The following CREB5 variants were observed in gnomAD, a reference collection of about 807,000 sequenced individuals.
CREB5 encodes cyclic AMP-responsive element-binding protein 5.
CREB5 carries 19 observed loss-of-function variants against 57.1 expected under a neutral mutation model. The ratio of observed to expected loss-of-function variants is 0.33; its 90% CI spans 0.23 to 0.49. The LOEUF (loss-of-function observed/expected upper bound fraction) is 0.49. Ranked by LOEUF, CREB5 falls within the 20% of genes least tolerant of loss-of-function variation. CREB5 has a pLI of 0.99. For synonymous variants in CREB5, 238 were observed against 238.3 expected (o/e 1.00, Z 0.01); for missense variants, 579 against 671.6 (o/e 0.86, Z 1.52).
At chr7:28,385,637 A>C (rs1321491222) in intron 1 of CREB5, among the ~76,000 whole-genome samples, 5 of 151,898 alleles carry the variant, frequency 3.3e-5, no homozygotes, top group Non-Finnish European at 7.4e-5. Context: ...TGATCACACC[A>C]CTACACTCCA....
chr7:28,310,653 T>C (rs1490334380), intron 1 of CREB5, among the ~76,000 whole-genome samples: 1 of 152,246 alleles, frequency 6.6e-6, no homozygotes, highest in Non-Finnish European at 1.5e-5. Flanking sequence ...ATTTCAAACA[T>C]ATACGAAAGT....
intron 7 of CREB5, among the ~76,000 whole-genome samples, chr7:28,759,525 A>C (rs1402553291): frequency 6.6e-6 from 1 of 152,250 alleles, no homozygotes. Context: ...ATGCACAATT[A>C]GATTTTTACA....
At chr7:28,684,693 C>T (rs952211961) in intron 5 of CREB5, among the ~76,000 whole-genome samples, 79 of 152,030 alleles carry the variant, frequency 5.2e-4, no homozygotes, top group Non-Finnish European at 2.1e-4. Flanking sequence ...CCACAAAAGG[C>T]ATTAGGGGCA....
At chr7:28,566,812 C>T (rs1050204688) in intron 4 of CREB5, among the ~76,000 whole-genome samples, 6 of 152,142 alleles carry the variant, frequency 3.9e-5, no homozygotes, top group African/African-American at 1.4e-4. Flanking sequence ...GAAGAGATTA[C>T]AGGAGAGTTA....
intron 5 of CREB5, among the ~76,000 whole-genome samples, chr7:28,595,414 T>C (rs1476155059): frequency 6.6e-6 from 1 of 152,182 alleles, no homozygotes; most frequent in African/African-American, 2.4e-5. Context: ...AGTAGGTTCT[T>C]CATATATAAA....
chr7:28,570,294 C>T (rs1795644007), intron 4 of CREB5, 71 bp from the exon 5 acceptor site: 1 of 1,519,270 alleles, frequency 6.6e-7, no homozygotes, highest in Non-Finnish European at 8.9e-7. Flanking sequence ...CAGTTTTGGC[C>T]TTTGAGAGCT....
chr7:28,518,573 A>T (rs1793071624), intron 4 of CREB5, among the ~76,000 whole-genome samples: 2 of 152,182 alleles, frequency 1.3e-5, no homozygotes, highest in South Asian at 2.1e-4. Flanking sequence ...AAGCCTTTGG[A>T]TAAGGAAGCC....
chr7:28,718,798 A>G lies in CREB5; in HGVS notation c.510A>G (p.Arg170=). The part of the protein sequence containing the change: ...SLSSLLHLHN[R]QRQPMPASMP... ...CTTCTCTGCTACATCTCCACAACAG[A>G]CAGAGACAGCCCATGCCAGCCTCCA... Residue 170 remains arginine (R), a synonymous_variant, in exon 6 of 11, where the codon AGA becomes AGG. Transcript: ENST00000357727. 6.2e-7 allele frequency: 1 copy of G among 1,614,002 alleles called. No homozygotes were observed. The highest frequency in any genetic ancestry group is 8.5e-7 in the Non-Finnish European group (1 of 1,179,960).
At chr7:28,625,679 GA>G (rs1308506103) in intron 5 of CREB5, among the ~76,000 whole-genome samples, 15 of 152,116 alleles carry the variant, frequency 9.9e-5, no homozygotes, top group Non-Finnish European at 2.1e-4. Context: ...GTGCTAGGAT[GA>G]AAAAACATGC....
chr7:28,434,895 A>G (rs776701705), intron 1 of CREB5, among the ~76,000 whole-genome samples: 1 of 152,198 alleles, frequency 6.6e-6, no homozygotes, highest in Non-Finnish European at 1.5e-5. Flanking sequence ...CTGAGTTGAC[A>G]ATAGTTAAAA....
intron 4 of CREB5, among the ~76,000 whole-genome samples, chr7:28,531,366 A>T (rs888019157): frequency 1.3e-5 from 2 of 152,064 alleles, no homozygotes; most frequent in Non-Finnish European, 2.9e-5. Flanking sequence ...CCTGGCTTCG[A>T]GTGTTTTGCT....
At chr7:28,817,955 TA>T in intron 9 of CREB5, 115 bp from the exon 10 acceptor site, 1 of 660,310 alleles carries the variant, frequency 1.5e-6, no homozygotes, top group Non-Finnish European at 2.6e-6. Flanking sequence ...ATAATATTCT[TA>T]ATGTCATTTA....
At chr7:28,335,956 A>G (rs1785815174) in intron 1 of CREB5, among the ~76,000 whole-genome samples, 1 of 152,150 alleles carries the variant, frequency 6.6e-6, no homozygotes, top group African/African-American at 2.4e-5. Context: ...TGAAATGATC[A>G]TATGACTTTG....
At position 28,713,972 on chromosome 7, in the gene CREB5, G is replaced by GT. The variant is rs565044448; in HGVS notation, c.465-4774dup. Among the ~76,000 whole-genome samples, 133 of 151,790 alleles carry GT rather than the reference G, an allele frequency of 8.8e-4. 1 individual carries two copies. Among genetic ancestry groups the GT allele is most frequent in the African/African-American group, 3.1e-3 (128 of 41,378 alleles). Reference sequence around the variant, plus strand: ...TCTGTTATTTGTTTTCTGTTTTTCGGTTTTTTTGGAGATAAGAGTCTCACT... The same window carrying GT: ...TCTGTTATTTGTTTTCTGTTTTTCGGTTTTTTTTGGAGATAAGAGTCTCACT... On this transcript the variant is annotated intron_variant, in intron 5 of 10. Transcript: ENST00000357727.
intron 7 of CREB5, among the ~76,000 whole-genome samples, chr7:28,769,927 CAA>C (rs939592999): frequency 6.6e-5 from 10 of 152,316 alleles, no homozygotes; most frequent in African/African-American, 2.2e-4. Context: ...TCCATGACCA[CAA>C]AAGAGACATT....
In CREB5 at chr7:28,810,651, G is replaced by A. The variant is rs369626311; in HGVS notation, c.1254+1237G>A. Among the ~76,000 whole-genome samples, 232 of 152,156 alleles carry A rather than the reference G, an allele frequency of 1.5e-3. 4 individuals carry two copies. The highest frequency in any genetic ancestry group is 5.3e-3 in the African/African-American group (221 of 41,492). On this transcript the variant is annotated intron_variant, in intron 9 of 10. Coordinates refer to ENST00000357727, the MANE Select transcript of CREB5 (RefSeq NM_182898.4). ...GGAGAGGCTGTAGTGAGCCAAGATC[G>A]CACCACGGTACTCCAGCCTGGGCAA... is the stretch of plus-strand genomic sequence containing the variant.
intron 1 of CREB5, among the ~76,000 whole-genome samples, chr7:28,438,408 C>T (rs867418666): frequency 6.6e-6 from 1 of 152,064 alleles, no homozygotes. Flanking sequence ...GATCACTGAT[C>T]CCCAACTTGA....
intron 2 of CREB5, among the ~76,000 whole-genome samples, chr7:28,494,056 C>G (rs971519042): frequency 2.0e-5 from 3 of 152,130 alleles, no homozygotes; most frequent in Non-Finnish European, 2.9e-5. Flanking sequence ...TCATGTATAT[C>G]TCCTATTTTT....
chr7:28,803,380 A>C (rs1480825918), intron 7 of CREB5, among the ~76,000 whole-genome samples: 2 of 152,166 alleles, frequency 1.3e-5, no homozygotes, highest in African/African-American at 2.4e-5. Flanking sequence ...TTAGCTCTCT[A>C]CTTTTTAAAA....
Sources: allele counts gnomAD v4.1 joint callset (sites outside exome capture counted in the v4.1 genomes callset), GRCh38; gene constraint gnomAD v4.1.1; transcripts MANE v1.5; gene names NCBI Gene and HGNC (gene_info 2026-07-23, HGNC 2026-07-21).